GRM4: variants seen among roughly 807,000 people sequenced by gnomAD.
The protein encoded by GRM4 is glutamate metabotropic receptor 4.
In GRM4, 28 loss-of-function variants were observed where a neutral mutation model predicts 81.7. The ratio of observed to expected loss-of-function variants is 0.34; its 90% CI spans 0.25 to 0.47. The LOEUF is 0.47. Ranked by LOEUF, GRM4 falls within the 20% of genes least tolerant of loss-of-function variation. The pLI is 1.00. For synonymous variants in GRM4, 488 were observed against 528.8 expected (o/e 0.92, Z 1.06); for missense variants, 948 against 1,290.0 (o/e 0.73, Z 4.06).
In GRM4 at chr6:34,124,979, CT is replaced by C. The variant is rs1368886559; in HGVS notation, c.519+7998del. On this transcript the variant is annotated intron_variant, in intron 2 of 10. Coordinates refer to ENST00000538487, the MANE Select transcript of GRM4 (RefSeq NM_000841.4). ...AGGCCCCCAAAGGCCTCCACACTTA[CT>C]TTTTTTTTTCTGAGACATAGTCTCG... Among the ~76,000 whole-genome samples the C allele has an allele frequency of 5.3e-5, 8 of 150,180 alleles. No homozygotes were observed. The East Asian group carries it at 7.8e-4, about 15-fold the overall frequency.
Position 34,028,371 on chromosome 6 carries a change from C to T in GRM4, c.2443-5G>A, listed in dbSNP as rs781276404. 2.0e-5 allele frequency: 32 copies of T among 1,607,256 alleles called. No homozygotes were observed. Among genetic ancestry groups the T allele is most frequent in the Middle Eastern group, 1.6e-4 (1 of 6,076 alleles). ...CGTCGTCGTCTGGATGTACAGCTGGCGGAGGGCACGGTGGCGTCAGAGCAG... is the reference window on the plus strand; with the variant it reads ...CGTCGTCGTCTGGATGTACAGCTGGTGGAGGGCACGGTGGCGTCAGAGCAG... On this transcript the variant is annotated splice_polypyrimidine_tract_variant and splice_region_variant and intron_variant, in intron 9 of 10. Coordinates refer to ENST00000538487, the MANE Select transcript of GRM4 (RefSeq NM_000841.4).
In GRM4 at chr6:34,061,987, G is replaced by T. The variant is rs1001585160; in HGVS notation, c.778C>A (p.Pro260Thr). 1.2e-6 allele frequency: 2 copies of T among 1,613,882 alleles called. No homozygotes were observed. The highest frequency in any genetic ancestry group is 3.3e-5 in the Admixed American group (2 of 60,012). ...ATCTTGTCGAACTCGCCTGCCTTGG[G>T]CTCCCGTGGTATCTTCACCGACTGG... ...IAQSVKIPRE[P>T]KAGEFDKIIR... Residue 260 changes from proline (P) to threonine (T), a missense_variant, in exon 4 of 11, where the codon CCC becomes ACC. Physicochemically the swap from Pro to Thr is conservative, Grantham distance 38 (BLOSUM62 -1). Coordinates refer to ENST00000538487, the MANE Select transcript of GRM4 (RefSeq NM_000841.4).
rs756555599 is a variant in GRM4, at chr6:34,022,880, G to C, written c.2690-10C>G. The stretch of plus-strand genomic sequence containing the variant: ...TGTTTGGTGGCCAGCGCTGGAAGGA[G>C]AGAGACCAGGGGTACCCAGGAGTCA... On this transcript the variant is annotated splice_polypyrimidine_tract_variant and intron_variant, in intron 10 of 10. Coordinates refer to ENST00000538487, the MANE Select transcript of GRM4 (RefSeq NM_000841.4). The surrounding 1 kb of genome is among the most constrained non-coding windows in gnomAD (Gnocchi z 5.6). The C allele has an allele frequency of 1.9e-5, 30 of 1,612,356 alleles. 1 individual carries two copies. The South Asian group carries it at 3.3e-4, about 18-fold the overall frequency.
intron 1 of GRM4, among the ~76,000 whole-genome samples, chr6:34,144,817 CCA>C (rs1770856297): frequency 1.3e-5 from 2 of 152,190 alleles, no homozygotes; most frequent in Non-Finnish European, 2.9e-5. Flanking sequence ...ACAGTACTTT[CCA>C]CCGGGCCCGC....
intron 2 of GRM4, among the ~76,000 whole-genome samples, chr6:34,127,608 C>T (rs945585913): frequency 1.3e-5 from 2 of 152,158 alleles, no homozygotes; most frequent in African/African-American, 4.8e-5. Flanking sequence ...GAAGGTTTGG[C>T]TGTGGAGAGG....
chr6:34,136,031 G>A lies in GRM4; in HGVS notation c.-363-2172C>T, dbSNP rs1770442453. On this transcript the variant is annotated intron_variant, in intron 1 of 10. Coordinates refer to ENST00000538487, the MANE Select transcript of GRM4 (RefSeq NM_000841.4). This position sits in a 1 kb window ranked among gnomAD's most constrained non-coding sequence, Gnocchi z 4.1. ...TGGCCAGCTGTGGGTGGGAGAGCCT[G>A]CACAGTTAAACACCATCCTGTCCAA... is the stretch of plus-strand genomic sequence containing the variant. Among the ~76,000 whole-genome samples, 1 of 152,210 alleles carries A rather than the reference G, an allele frequency of 6.6e-6. No individual in the cohort carries two copies. Among genetic ancestry groups the A allele is most frequent in the African/African-American group, 2.4e-5 (1 of 41,452 alleles).
chr6:34,038,009 C>T (rs1439940291), intron 8 of GRM4, among the ~76,000 whole-genome samples: 1 of 152,186 alleles, frequency 6.6e-6, no homozygotes, highest in Admixed American at 6.5e-5. Context: ...GAAGCCAAAG[C>T]GCACAGAGCA....
intron 6 of GRM4, 114 bp downstream of exon 6, chr6:34,056,430 T>C: frequency 1.1e-6 from 1 of 945,046 alleles, no homozygotes; most frequent in South Asian, 1.6e-5. Context: ...CTGCACGTCC[T>C]GCCACGGCCG....
intron 2 of GRM4, among the ~76,000 whole-genome samples, chr6:34,128,398 G>A (rs1474952921): frequency 7.5e-6 from 1 of 132,878 alleles, no homozygotes; most frequent in Admixed American, 8.0e-5. Flanking sequence ...TTTTTTTTGA[G>A]ACTGAGTTTC....
chr6:34,114,396 C>A lies in GRM4; in HGVS notation c.519+18582G>T. Among the ~76,000 whole-genome samples the A allele has an allele frequency of 6.6e-6, 1 of 152,178 alleles. No homozygotes were observed. Among genetic ancestry groups the A allele is most frequent in the African/African-American group, 2.4e-5 (1 of 41,416 alleles). On this transcript the variant is annotated intron_variant, in intron 2 of 10. Coordinates refer to ENST00000538487, the MANE Select transcript of GRM4 (RefSeq NM_000841.4). The surrounding 1 kb of genome is among the most constrained non-coding windows in gnomAD (Gnocchi z 4.3). ...CCATCATCCGGGCCACCATCACCTC[C>A]AGGCTGAATTGTTCTATCCATCTCC...
At position 34,043,902 on chromosome 6, in the gene GRM4, G is replaced by A. The variant is rs567834449; in HGVS notation, c.1169-3154C>T. On this transcript the variant is annotated intron_variant, in intron 6 of 10. Transcript: ENST00000538487. ...TCCATCCCAGTGCTGTCACAGCAGC[G>A]TGGACTTCTAGCAACTTCTCAGCTC... is the stretch of plus-strand genomic sequence containing the variant. 3.3e-5 allele frequency among the ~76,000 whole-genome samples: 5 copies of A among 152,232 alleles called. No individual in the cohort carries two copies. In the South Asian group the frequency reaches 8.3e-4, roughly 25 times the overall value.
chr6:34,036,305 G>A lies in GRM4; in HGVS notation c.1805C>T (p.Thr602Met), dbSNP rs1562013611. 1.9e-6 allele frequency: 3 copies of A among 1,614,132 alleles called. No individual in the cohort carries two copies. Among genetic ancestry groups the A allele is most frequent in the Non-Finnish European group, 2.5e-6 (3 of 1,180,022 alleles). The part of the protein sequence containing the change: ...LFLAVVGIAA[T>M]LFVVITFVRY... ...CACAAAGGTGATCACCACGAACAAC[G>A]TGGCAGCGATGCCCACCACGGCCAG... Residue 602 changes from threonine (T) to methionine (M), a missense_variant, in exon 9 of 11, where the codon ACG becomes ATG. Coordinates refer to ENST00000538487, the MANE Select transcript of GRM4 (RefSeq NM_000841.4). The surrounding 1 kb of genome is among the most constrained non-coding windows in gnomAD (Gnocchi z 9.0).
intron 9 of GRM4, among the ~76,000 whole-genome samples, chr6:34,032,407 C>A (rs2499671): frequency 6.6e-6 from 1 of 152,262 alleles, no homozygotes; most frequent in Non-Finnish European, 1.5e-5. Context: ...GCAGCTTGCA[C>A]TGGGGCATCT....
chr6:34,152,034 G>A lies in GRM4; in HGVS notation c.312+3045C>T, dbSNP rs1771057210. Among the ~76,000 whole-genome samples the A allele has an allele frequency of 6.6e-6, 1 of 152,158 alleles. No homozygotes were observed. The highest frequency in any genetic ancestry group is 2.1e-4 in the South Asian group (1 of 4,834). On this transcript the variant is annotated intron_variant, in intron 1 of 8. Coordinates refer to the GRM4 transcript ENST00000374177. This position sits in a 1 kb window ranked among gnomAD's most constrained non-coding sequence, Gnocchi z 4.1. ...TGTGTCTGATGCCCCTGTCTTCCAA[G>A]CAAGCTCCAGGCCCCTTGGCACAGG...
At chr6:34,072,703 C>A (rs1489709783) in intron 3 of GRM4, among the ~76,000 whole-genome samples, 5 of 126,938 alleles carry the variant, frequency 3.9e-5, no homozygotes, top group Non-Finnish European at 5.0e-5. Context: ...CAGATACGCA[C>A]CACACACACA....
chr6:34,083,748 G>C (rs2499705), intron 3 of GRM4, among the ~76,000 whole-genome samples: 141,299 of 152,210 alleles, frequency 0.93, 65,696 homozygotes, highest in African/African-American at 0.98. Flanking sequence ...GAGGCCTCCC[G>C]CTTTGAAGCT....
intron 1 of GRM4, among the ~76,000 whole-genome samples, chr6:34,134,225 A>C (rs760649197): frequency 6.6e-6 from 1 of 152,162 alleles, no homozygotes; most frequent in South Asian, 2.1e-4. Flanking sequence ...GCCCAATCCC[A>C]TTACAGAGAT....
At chr6:34,139,417 T>A (rs1241786600) in intron 1 of GRM4, among the ~76,000 whole-genome samples, 3 of 152,220 alleles carry the variant, frequency 2.0e-5, no homozygotes. Flanking sequence ...TTTAAATCCA[T>A]TGCCCCTGCC....
chr6:34,088,462 A>G (rs1235880423), intron 3 of GRM4, among the ~76,000 whole-genome samples: 2 of 152,134 alleles, frequency 1.3e-5, no homozygotes, highest in South Asian at 4.1e-4. Context: ...CCCATTTCAC[A>G]GATAAGAAAC....
Sources: gnomAD v4.1 joint callset for allele counts (sites outside exome capture counted in the v4.1 genomes callset) on GRCh38, gnomAD v4.1.1 for gene constraint, Gnocchi (gnomAD v3.1) non-coding constraint, MANE v1.5 for transcripts, NCBI Gene and HGNC (gene_info 2026-07-23, HGNC 2026-07-21) for gene names.